CDKL3: variants seen among roughly 807,000 people sequenced by gnomAD.
CDKL3 encodes cyclin-dependent kinase-like 3.
In CDKL3, 65 loss-of-function variants were observed where a neutral mutation model predicts 69.3. The ratio of observed to expected loss-of-function variants is 0.94; its 90% CI spans 0.77 to 1.15. The LOEUF is 1.15. Ranked by LOEUF, CDKL3 falls within the 50% of genes most tolerant of loss-of-function variation. The pLI is 0.00. For missense variants in CDKL3, 652 were observed against 689.2 expected, an observed-to-expected ratio of 0.95 and a Z score of 0.61; for synonymous variants, 202 against 221.6, an observed-to-expected ratio of 0.91 and a Z score of 0.79.
At chr5:134,370,569 A>C (rs1019032080), upstream of CDKL3, among the ~76,000 whole-genome samples, 1 of 152,226 alleles carries the variant, frequency 6.6e-6, no homozygotes, top group Non-Finnish European at 1.5e-5. Flanking sequence ...CTCCCCCACC[A>C]TAGGCAAGTC....
At chr5:134,317,835 G>A (rs1359730283) in intron 6 of CDKL3, among the ~76,000 whole-genome samples, 1 of 152,082 alleles carries the variant, frequency 6.6e-6, no homozygotes, top group Non-Finnish European at 1.5e-5. Context: ...CTGAGCTCAG[G>A]AAGTCGGAAC....
upstream of CDKL3, among the ~76,000 whole-genome samples, chr5:134,369,335 A>G (rs1758086764): frequency 2.0e-5 from 3 of 152,110 alleles, no homozygotes; most frequent in South Asian, 2.1e-4. Flanking sequence ...CCTTACCTCT[A>G]TTGCCTCCAG....
At chr5:134,325,927 CTTTTTTTTTTTT>C (rs10706943) in intron 4 of CDKL3, among the ~76,000 whole-genome samples, 1 of 82,868 alleles carries the variant, frequency 1.2e-5, no homozygotes, top group African/African-American at 4.8e-5. Context: ...CCACGCCTGG[CTTTTTTTTTTTT>C]TTTTTTTTTT....
At chr5:134,346,410 T>C (rs1312776052) in intron 4 of CDKL3, among the ~76,000 whole-genome samples, 1 of 152,232 alleles carries the variant, frequency 6.6e-6, no homozygotes, top group Non-Finnish European at 1.5e-5. Context: ...TGAACTTTGT[T>C]AAATTTGTCA....
At chr5:134,371,531 CG>C (rs936940638), upstream of CDKL3, 4 of 1,305,410 alleles carry the variant, frequency 3.1e-6, no homozygotes, top group Non-Finnish European at 3.9e-6. Flanking sequence ...GCCGCCGCGC[CG>C]GGGGGTGGGG....
chr5:134,371,486 C>T (rs1218201990), upstream of CDKL3: 4 of 1,336,286 alleles, frequency 3.0e-6, no homozygotes, highest in Admixed American at 2.7e-5. Context: ...GCGGCGGCGG[C>T]GGCGGCGGCG....
At chr5:134,362,762 C>G (rs866508985) in intron 2 of CDKL3, among the ~76,000 whole-genome samples, 64 of 152,038 alleles carry the variant, frequency 4.2e-4, no homozygotes, top group African/African-American at 1.4e-3. Context: ...AACCCCGTCT[C>G]TACTAAAAAT....
intron 4 of CDKL3, among the ~76,000 whole-genome samples, chr5:134,330,745 A>G (rs1407950890): frequency 6.6e-6 from 1 of 152,154 alleles, no homozygotes; most frequent in African/African-American, 2.4e-5. Flanking sequence ...AGCTTTGGCT[A>G]ACTTTCTCGA....
At chr5:134,363,562 G>A (rs1474815394) in intron 2 of CDKL3, among the ~76,000 whole-genome samples, 1 of 149,688 alleles carries the variant, frequency 6.7e-6, no homozygotes, top group Non-Finnish European at 1.5e-5. Flanking sequence ...CTGGGTTCAA[G>A]CAATTCTCCT....
At chr5:134,301,029 C>T (rs1424066562) in intron 12 of CDKL3, among the ~76,000 whole-genome samples, 2 of 151,360 alleles carry the variant, frequency 1.3e-5, no homozygotes, top group African/African-American at 4.9e-5. Context: ...GAGTTTCACT[C>T]TTGTTGTCTA....
At chr5:134,369,741 T>C (rs553936044), upstream of CDKL3, among the ~76,000 whole-genome samples, 2 of 152,282 alleles carry the variant, frequency 1.3e-5, no homozygotes, top group South Asian at 2.1e-4. Context: ...TGGCTAATTT[T>C]ACTTTTTGTA....
At chr5:134,352,136 C>A (rs898161952) in intron 3 of CDKL3, among the ~76,000 whole-genome samples, 7 of 152,032 alleles carry the variant, frequency 4.6e-5, no homozygotes, top group South Asian at 2.1e-4. Flanking sequence ...TAAGATCATG[C>A]GGTATTTGTC....
chr5:134,326,817 G>GTATATATATATATGTGTGTGTA (rs1774358221), intron 4 of CDKL3, among the ~76,000 whole-genome samples: 6 of 120,494 alleles, frequency 5.0e-5, no homozygotes, highest in South Asian at 2.6e-4. Context: ...ATATGTGTGT[G>GTATATATATATATGTGTGTGTA]TATATATATA....
chr5:134,300,928 T>G (rs1766144183), intron 12 of CDKL3, among the ~76,000 whole-genome samples: 1 of 152,160 alleles, frequency 6.6e-6, no homozygotes, highest in African/African-American at 2.4e-5. Context: ...GACATGAGTA[T>G]GTCACCCAAA....
upstream of CDKL3, among the ~76,000 whole-genome samples, chr5:134,368,605 C>T (rs1399645148): frequency 7.1e-5 from 8 of 112,366 alleles, no homozygotes; most frequent in African/African-American, 2.1e-4. Flanking sequence ...GGTGGCAGAG[C>T]GAGACTCCAT....
intron 8 of CDKL3, among the ~76,000 whole-genome samples, chr5:134,288,085 G>A (rs1764954281): frequency 6.6e-6 from 1 of 151,878 alleles, no homozygotes; most frequent in Admixed American, 6.6e-5. Flanking sequence ...GTACAGATGG[G>A]GTTTCTCCAT....
chr5:134,333,281 T>C (rs538720477), intron 4 of CDKL3, among the ~76,000 whole-genome samples: 61 of 152,360 alleles, frequency 4.0e-4, no homozygotes, highest in African/African-American at 1.4e-3. Context: ...TTTGACTCCC[T>C]CTTTTCCTAA....
intron 12 of CDKL3, among the ~76,000 whole-genome samples, chr5:134,300,098 G>A (rs1372682733): frequency 2.0e-5 from 3 of 152,134 alleles, no homozygotes; most frequent in Non-Finnish European, 4.4e-5. Flanking sequence ...CAGCACTTTG[G>A]GAGGCCAAGG....
At chr5:134,293,781 C>G (rs143288755), downstream of CDKL3, among the ~76,000 whole-genome samples, 12 of 151,836 alleles carry the variant, frequency 7.9e-5, no homozygotes, top group African/African-American at 2.7e-4. Flanking sequence ...GCCTGGGTGG[C>G]AGAGTAAGAA....
Sources: gnomAD v4.1 joint callset for allele counts (sites outside exome capture counted in the v4.1 genomes callset) on GRCh38, gnomAD v4.1.1 for gene constraint, MANE v1.5 for transcripts, NCBI Gene and HGNC (gene_info 2026-07-23, HGNC 2026-07-21) for gene names.